MTG1: variants seen among roughly 807,000 people sequenced by gnomAD.
The protein encoded by MTG1 is mitochondrial ribosome-associated GTPase 1.
Under a neutral mutation model 39.5 loss-of-function variants are expected in MTG1, and 30 were observed. That is an observed-to-expected ratio of 0.76 (90% CI 0.57 to 1.03). MTG1 has a LOEUF of 1.03. Among genes scored for constraint, MTG1 ranks in the 50% least tolerant of loss-of-function variants. MTG1 has a pLI of 0.00. For synonymous variants in MTG1, 217 were observed against 179.0 expected (o/e 1.21, Z -1.69); for missense variants, 513 against 447.4 (o/e 1.15, Z -1.32).
rs1487431042 is a variant in MTG1, at chr10:133,420,918, G to A, written c.*753G>A. 2 of 152,396 alleles carry A rather than the reference G, an allele frequency of 1.3e-5. No individual in the cohort carries two copies. Among genetic ancestry groups the A allele is most frequent in the Admixed American group, 1.3e-4 (2 of 15,292 alleles). The allele number at this position is 152,396 out of a possible 1,614,324, so 9.4% of individuals were successfully genotyped here. The stretch of plus-strand genomic sequence containing the variant: ...AGTGGGATTCTGCATTAGTGGGGCT[G>A]AGAGATGTGGGGGCCCCTCCAGCCC... On this transcript the variant is annotated 3_prime_UTR_variant, in exon 11 of 11. Transcript: ENST00000317502.
chr10:133,396,380 C>G (rs547645103), intron 3 of MTG1, 113 bp downstream of exon 3: 2 of 931,248 alleles, frequency 2.1e-6, no homozygotes, highest in Admixed American at 4.0e-5. Flanking sequence ...CAGGCAGGCT[C>G]TGCTTTAGAA....
At chr10:133,394,427 G>T in intron 1 of MTG1, 95 bp downstream of exon 1, 1 of 1,333,658 alleles carries the variant, frequency 7.5e-7, no homozygotes, top group Non-Finnish European at 9.7e-7. Flanking sequence ...GCTTCTCCCG[G>T]TCGTTCTGGG....
Position 133,396,719 on chromosome 10 carries a change from A to G in MTG1, c.282+452A>G, listed in dbSNP as rs118091230. ...TGTAGCAATTACTCTTCATTCCAAT[A>G]TTATTATAATTCTTGCTCTATAATC... On this transcript the variant is annotated intron_variant, in intron 3 of 10. Transcript: ENST00000317502. Among the ~76,000 whole-genome samples, 1,164 of 152,328 alleles carry G rather than the reference A, an allele frequency of 7.6e-3. 8 individuals carry two copies. Among genetic ancestry groups the G allele is most frequent in the Middle Eastern group, 0.048 (14 of 294 alleles).
intron 3 of MTG1, among the ~76,000 whole-genome samples, chr10:133,396,607 A>C (rs891687315): frequency 2.0e-5 from 3 of 152,242 alleles, no homozygotes; most frequent in Non-Finnish European, 4.4e-5. Flanking sequence ...GAGCTTTTCC[A>C]GTGTAATAAA....
At chr10:133,406,520 CTAT>C (rs935014078) in intron 9 of MTG1, among the ~76,000 whole-genome samples, 3 of 151,456 alleles carry the variant, frequency 2.0e-5, no homozygotes, top group Non-Finnish European at 2.9e-5. Flanking sequence ...TTACATTTGC[CTAT>C]TATTATTATT....
intron 4 of MTG1, 139 bp from the exon 5 acceptor site, chr10:133,399,031 A>G: frequency 1.1e-6 from 1 of 896,294 alleles, no homozygotes. Flanking sequence ...AATTCCAGAT[A>G]GGAGGTTTCT....
Position 133,420,028 on chromosome 10 carries a change from A to G in MTG1, c.868A>G (p.Asn290Asp), listed in dbSNP as rs532567826. 1.6e-4 allele frequency: 265 copies of G among 1,608,272 alleles called. 4 individuals are homozygous for G. The South Asian group carries it at 2.7e-3, about 17-fold the overall frequency. ...QKVKVLTGTG[N>D]VNIIQPNYPA... ...CACTGAACCCTCCCGTCCCCCAGGTAACGTGAACATTATTCAGCCTAACTA... is the reference window on the plus strand; with the variant it reads ...CACTGAACCCTCCCGTCCCCCAGGTGACGTGAACATTATTCAGCCTAACTA... The change falls in exon 11 of 11, where the codon AAC becomes GAC. Residue 290 changes from asparagine (N) to aspartate (D), a missense_variant and splice_region_variant. Asn to Asp is a conservative substitution (Grantham distance 23). Coordinates refer to ENST00000317502, the MANE Select transcript of MTG1 (RefSeq NM_138384.4).
rs910027295 is a variant in MTG1 at position 133,419,953 on chromosome 10, C to T, written c.866-73C>T. 6.2e-5 allele frequency: 93 copies of T among 1,508,588 alleles called. No homozygotes were observed. The Admixed American group carries it at 1.8e-3, about 29-fold the overall frequency. 93.5% of individuals were successfully genotyped at this position (1,508,588 alleles called of 1,614,324 possible). A position where few individuals can be genotyped will look rare whatever the true frequency, so the allele number is the denominator to read the frequency against. On this transcript the variant is annotated intron_variant, in intron 10 of 10. Coordinates refer to ENST00000317502, the MANE Select transcript of MTG1 (RefSeq NM_138384.4). ...CATCATGGAGCCTCTTAGGGCTGGT[C>T]CCTCAGGTGGGTAAGGGCTGGGCCT...
intron 7 of MTG1, chr10:133,401,797 C>G: frequency 1.4e-6 from 1 of 702,400 alleles, no homozygotes; most frequent in Non-Finnish European, 2.6e-6. Context: ...GGGGAAGGCA[C>G]GCTGTTTTCC....
intron 9 of MTG1, among the ~76,000 whole-genome samples, chr10:133,407,981 GT>G (rs1849992143): frequency 6.6e-6 from 1 of 152,172 alleles, no homozygotes; most frequent in Non-Finnish European, 1.5e-5. Flanking sequence ...GAGTCTTTCA[GT>G]TTTTCCCAAT....
chr10:133,394,465 C>A, intron 1 of MTG1, 133 bp downstream of exon 1: 8 of 1,330,054 alleles, frequency 6.0e-6, no homozygotes, highest in Non-Finnish European at 6.8e-6. Flanking sequence ...CCCTTGTCTC[C>A]CCTCCTTCCC....
Position 133,402,854 on chromosome 10 carries a change from C to T in MTG1, c.752+81C>T. On this transcript the variant is annotated intron_variant, in intron 9 of 10. Transcript: ENST00000317502. This position sits in a 1 kb window ranked among gnomAD's most constrained non-coding sequence, Gnocchi z 4.7. ...AAAAAAAAAAACAAACAAAAAAACCCCCAGCATTATAAAGGTATTATAAAC... is the reference window on the plus strand; with the variant it reads ...AAAAAAAAAAACAAACAAAAAAACCTCCAGCATTATAAAGGTATTATAAAC... 9.2e-7 allele frequency: 1 copy of T among 1,084,432 alleles called. No individual in the cohort carries two copies. The highest frequency in any genetic ancestry group is 1.3e-6 in the Non-Finnish European group (1 of 753,318). 67.2% of individuals were successfully genotyped at this position (1,084,432 alleles called of 1,614,324 possible). A position where few individuals can be genotyped will look rare whatever the true frequency, so the allele number is the denominator to read the frequency against.
intron 3 of MTG1, among the ~76,000 whole-genome samples, chr10:133,397,453 C>G (rs1276255819): frequency 6.9e-6 from 1 of 145,354 alleles, no homozygotes; most frequent in African/African-American, 2.7e-5. Flanking sequence ...GCTGTCTTTT[C>G]TTTTATCTCT....
intron 9 of MTG1, among the ~76,000 whole-genome samples, chr10:133,404,918 C>T (rs571695932): frequency 1.3e-5 from 2 of 152,288 alleles, no homozygotes; most frequent in Admixed American, 6.5e-5. Context: ...TTGGTAACTG[C>T]TTCTAATTTA....
intron 3 of MTG1, among the ~76,000 whole-genome samples, chr10:133,397,331 C>T (rs188861682): frequency 1.9e-3 from 291 of 151,844 alleles, no homozygotes; most frequent in South Asian, 2.7e-3. Context: ...GGAGATGGCT[C>T]ACACTCCTTA....
intron 5 of MTG1, 110 bp from the exon 6 acceptor site, chr10:133,399,419 T>A: frequency 7.9e-7 from 1 of 1,262,848 alleles, no homozygotes; most frequent in South Asian, 1.3e-5. Context: ...TTAACCTCCC[T>A]TCTTCCCTGA....
Position 133,419,584 on chromosome 10 carries a change from C to A in MTG1, c.857C>A (p.Thr286Lys). ...LGKTQKVKVLTGTGNVNIIQP... is the reference protein window; with the variant it reads ...LGKTQKVKVLKGTGNVNIIQP... ...AAGACGCAGAAGGTGAAGGTGCTCA[C>A]GGGCACGGGTGAGTGAGGTCGCTGA... Residue 286 changes from threonine to lysine, a missense_variant, in exon 10 of 11, where the codon ACG (threonine) becomes AAG (lysine). By Grantham distance (78) the Thr-to-Lys change is moderately conservative (BLOSUM62 -1). Transcript: ENST00000317502. 1 of 1,602,256 alleles carries A rather than the reference C, an allele frequency of 6.2e-7. No homozygotes were observed.
chr10:133,410,288 C>T (rs1176788347), intron 9 of MTG1, among the ~76,000 whole-genome samples: 2 of 152,228 alleles, frequency 1.3e-5, no homozygotes, highest in East Asian at 3.9e-4. Context: ...AACTCTTGGC[C>T]TCAGATGATC....
rs1238149101 is a variant in MTG1, at chr10:133,394,218, G to C, written c.-3G>C. 6.6e-7 allele frequency: 1 copy of C among 1,514,228 alleles called. No individual in the cohort carries two copies. The highest frequency in any genetic ancestry group is 1.2e-5 in the South Asian group (1 of 82,026). 93.8% of individuals were successfully genotyped at this position (1,514,228 alleles called of 1,614,324 possible). The stretch of plus-strand genomic sequence containing the variant: ...CGGGAGCGTTTCCGGGGACGGTGCC[G>C]CCATGAGATTGACCCCGCGCGCGCT... On this transcript the variant is annotated 5_prime_UTR_variant, in exon 1 of 11. Transcript: ENST00000317502.
Sources: gnomAD v4.1 joint callset for allele counts (sites outside exome capture counted in the v4.1 genomes callset) on GRCh38, gnomAD v4.1.1 for gene constraint, Gnocchi (gnomAD v3.1) non-coding constraint, MANE v1.5 for transcripts, NCBI Gene and HGNC (gene_info 2026-07-23, HGNC 2026-07-21) for gene names.